ZC3H14: variants seen among roughly 807,000 people sequenced by gnomAD.
The protein encoded by ZC3H14 is zinc finger CCCH domain-containing protein 14.
ZC3H14 carries 31 observed loss-of-function variants against 92.4 expected under a neutral mutation model. The ratio of observed to expected loss-of-function variants is 0.34; its 90% CI spans 0.25 to 0.45. The LOEUF is 0.45. Ranked by LOEUF, ZC3H14 falls within the 20% of genes least tolerant of loss-of-function variation. The pLI is 1.00. For synonymous variants in ZC3H14, 321 were observed against 300.9 expected (o/e 1.07, Z -0.69); for missense variants, 781 against 897.3 (o/e 0.87, Z 1.66).
At chr14:88,594,142 A>G (rs1174871045) in intron 9 of ZC3H14, among the ~76,000 whole-genome samples, 3 of 152,240 alleles carry the variant, frequency 2.0e-5, no homozygotes, top group Non-Finnish European at 4.4e-5. Context: ...GTTATATACT[A>G]ATTTCAAGGG....
chr14:88,615,986 T>G lies in ZC3H14; in HGVS notation c.*4235T>G. Reference sequence around the variant, plus strand: ...CTCTTTAACTCCTTTTATTCTGTATTTGCATAAATATGAGATTCTGAAGAG... The same window carrying G: ...CTCTTTAACTCCTTTTATTCTGTATGTGCATAAATATGAGATTCTGAAGAG... On this transcript the variant is annotated 3_prime_UTR_variant, in exon 17 of 17. Coordinates refer to ENST00000251038, the MANE Select transcript of ZC3H14 (RefSeq NM_024824.5). The G allele has an allele frequency of 7.9e-7, 1 of 1,271,494 alleles. No individual in the cohort carries two copies. The highest frequency in any genetic ancestry group is 1.1e-6 in the Non-Finnish European group (1 of 906,470). The allele number at this position is 1,271,494 out of a possible 1,614,324, so 78.8% of individuals were successfully genotyped here.
chr14:88,572,348 G>A, intron 5 of ZC3H14, 123 bp downstream of exon 5: 7 of 1,164,536 alleles, frequency 6.0e-6, no homozygotes, highest in Non-Finnish European at 8.6e-6. Flanking sequence ...GTGATCGTGA[G>A]TAGTTTTTTG....
Position 88,624,981 on chromosome 14 carries a change from TC to T in ZC3H14, c.*13235del. 1 of 1,613,340 alleles carries T rather than the reference TC, an allele frequency of 6.2e-7. No homozygotes were observed. The highest frequency in any genetic ancestry group is 8.5e-7 in the Non-Finnish European group (1 of 1,179,588). On this transcript the variant is annotated 3_prime_UTR_variant, in exon 17 of 17. Transcript: ENST00000251038. ...GAAAGAGGACTCACGGCCTTTCCTTTCCCCCAGTCACGATAAGTCCATCTCG... is the reference window on the plus strand; with the variant it reads ...GAAAGAGGACTCACGGCCTTTCCTTTCCCCAGTCACGATAAGTCCATCTCG...
Position 88,620,811 on chromosome 14 carries a change from CTCA to C in ZC3H14, c.*9061_*9063del. 4 of 1,608,864 alleles carry C rather than the reference CTCA, an allele frequency of 2.5e-6. No homozygotes were observed. Among genetic ancestry groups the C allele is most frequent in the Non-Finnish European group, 3.4e-6 (4 of 1,177,882 alleles). On this transcript the variant is annotated 3_prime_UTR_variant, in exon 17 of 17. Transcript: ENST00000251038. The surrounding 1 kb of genome is among the most constrained non-coding windows in gnomAD (Gnocchi z 4.3). Reference sequence around the variant, plus strand: ...CTTCTTTCCCCATATTTTTAGAGAACTCACTAGTAAAATGATAAATTCTCCATT... The same window carrying C: ...CTTCTTTCCCCATATTTTTAGAGAACCTAGTAAAATGATAAATTCTCCATT...
chr14:88,563,425 G>A (rs527408145), intron 1 of ZC3H14: 1 of 1,428,388 alleles, frequency 7.0e-7, no homozygotes, highest in Non-Finnish European at 9.1e-7. Context: ...CCACCGCGGC[G>A]CACGGCGCCG....
chr14:88,563,528 C>A, intron 1 of ZC3H14, 123 bp from the exon 2 acceptor site: 3 of 1,575,102 alleles, frequency 1.9e-6, no homozygotes, highest in Non-Finnish European at 1.7e-6. Flanking sequence ...GAGGCTCCTC[C>A]CAGCCCCCGC....
intron 12 of ZC3H14, among the ~76,000 whole-genome samples, chr14:88,607,004 C>T (rs897888825): frequency 7.2e-5 from 11 of 152,006 alleles, no homozygotes; most frequent in Non-Finnish European, 5.9e-5. Flanking sequence ...AAAATTTGGC[C>T]GTAGTTGCAG....
At chr14:88,578,781 G>GTTTTTTTTTTTTTTTTTTTTTTTTTT (rs35101368) in intron 9 of ZC3H14, among the ~76,000 whole-genome samples, 1 of 76,816 alleles carries the variant, frequency 1.3e-5, no homozygotes. Context: ...TTGCTTCCAG[G>GTTTTTTTTTTTTTTTTTTTTTTTTTT]TTTTTTTTTT....
chr14:88,566,370 T>C (rs1208581171), intron 2 of ZC3H14, among the ~76,000 whole-genome samples: 1 of 151,960 alleles, frequency 6.6e-6, no homozygotes, highest in Non-Finnish European at 1.5e-5. Flanking sequence ...ACCAAACAGT[T>C]TGAGAATTGG....
Position 88,615,793 on chromosome 14 carries a change from A to C in ZC3H14, c.*4042A>C, listed in dbSNP as rs748414114. ...CTCTGTAATTCTGGTCTCAAAGTTAATTTCTGTAGTCATCTCAGCATCTCT... is the reference window on the plus strand; with the variant it reads ...CTCTGTAATTCTGGTCTCAAAGTTACTTTCTGTAGTCATCTCAGCATCTCT... On this transcript the variant is annotated 3_prime_UTR_variant, in exon 17 of 17. Transcript: ENST00000251038. 1.9e-6 allele frequency: 3 copies of C among 1,606,260 alleles called. No homozygotes were observed. The Admixed American group carries it at 5.1e-5, about 27-fold the overall frequency.
rs2087210487 is a variant in ZC3H14 at position 88,613,948 on chromosome 14, G to C, written c.*2197G>C. 1 of 152,178 alleles carries C rather than the reference G, an allele frequency of 6.6e-6. No homozygotes were observed. The highest frequency in any genetic ancestry group is 2.4e-5 in the African/African-American group (1 of 41,444). The allele number at this position is 152,178 out of a possible 1,614,324, so 9.4% of individuals were successfully genotyped here. A position where few individuals can be genotyped will look rare whatever the true frequency, so the allele number is the denominator to read the frequency against. ...GACTACTTAGTCAATATGACCTTTA[G>C]TCGTGAAACTGACAGCAGCAGTGAT... is the stretch of plus-strand genomic sequence containing the variant. On this transcript the variant is annotated 3_prime_UTR_variant, in exon 17 of 17. Coordinates refer to ENST00000251038, the MANE Select transcript of ZC3H14 (RefSeq NM_024824.5).
Position 88,615,335 on chromosome 14 carries a change from G to T in ZC3H14, c.*3584G>T, listed in dbSNP as rs1172807648. On this transcript the variant is annotated 3_prime_UTR_variant, in exon 17 of 17. Transcript: ENST00000251038. ...AAAATGTTTGCCTTTTAAAAACTGT[G>T]ATCCTTTAGGATGATCATGACTTTC... is the stretch of plus-strand genomic sequence containing the variant. The T allele has an allele frequency of 6.6e-6, 1 of 152,442 alleles. No individual in the cohort carries two copies. The highest frequency in any genetic ancestry group is 1.5e-5 in the Non-Finnish European group (1 of 68,210). 9.4% of individuals were successfully genotyped at this position (152,442 alleles called of 1,614,324 possible). A position where few individuals can be genotyped will look rare whatever the true frequency, so the allele number is the denominator to read the frequency against.
Position 88,626,856 on chromosome 14 carries a change from G to A in ZC3H14, c.*15105G>A, listed in dbSNP as rs547185976. On this transcript the variant is annotated 3_prime_UTR_variant, in exon 17 of 17. Transcript: ENST00000251038. Reference sequence around the variant, plus strand: ...GACATACTGCACCAAATGCAATAGCGAGCATGGTCTGCATCCGGGCATCTT... The same window carrying A: ...GACATACTGCACCAAATGCAATAGCAAGCATGGTCTGCATCCGGGCATCTT... 53 of 1,613,812 alleles carry A rather than the reference G, an allele frequency of 3.3e-5. No individual in the cohort carries two copies. In the South Asian group the frequency reaches 4.1e-4, roughly 12 times the overall value.
At chr14:88,608,949 T>C (rs1472447704) in intron 13 of ZC3H14, 3 of 334,502 alleles carry the variant, frequency 9.0e-6, no homozygotes, top group Non-Finnish European at 1.7e-5. Flanking sequence ...ATAGAGGATG[T>C]GTTTATTGTA....
intron 5 of ZC3H14, 74 bp downstream of exon 5, chr14:88,572,299 T>C (rs754340100): frequency 5.2e-6 from 8 of 1,528,610 alleles, no homozygotes; most frequent in South Asian, 3.5e-5. Flanking sequence ...TTTTATATCT[T>C]TCAGTTTGCT....
At chr14:88,578,831 A>G (rs2081528826) in intron 9 of ZC3H14, among the ~76,000 whole-genome samples, 2 of 120,556 alleles carry the variant, frequency 1.7e-5, no homozygotes, top group East Asian at 2.3e-4. Context: ...TTCTCCCCCA[A>G]TTCCTATACA....
At chr14:88,564,465 CA>C (rs1245420818) in intron 2 of ZC3H14, among the ~76,000 whole-genome samples, 6 of 152,182 alleles carry the variant, frequency 3.9e-5, no homozygotes, top group East Asian at 3.8e-4. Context: ...GGTTTGCCCC[CA>C]AAGCTGGTGC....
chr14:88,576,132 G>C (rs951700912), intron 8 of ZC3H14, among the ~76,000 whole-genome samples, 192 bp downstream of exon 8: 1 of 152,180 alleles, frequency 6.6e-6, no homozygotes, highest in African/African-American at 2.4e-5. Context: ...ACTGTTATTG[G>C]ACTGTAGTTT....
chr14:88,576,005 ATGAT>A (rs1283667047), intron 8 of ZC3H14, 65 bp downstream of exon 8: 10 of 1,348,450 alleles, frequency 7.4e-6, no homozygotes, highest in Non-Finnish European at 1.1e-5. Context: ...TAAGGTGAAA[ATGAT>A]TGCTCCTTAA....
Sources: allele counts gnomAD v4.1 joint callset (sites outside exome capture counted in the v4.1 genomes callset), GRCh38; gene constraint gnomAD v4.1.1; non-coding constraint Gnocchi (gnomAD v3.1); transcripts MANE v1.5; gene names NCBI Gene and HGNC (gene_info 2026-07-23, HGNC 2026-07-21).